MALRD1: variants seen among roughly 807,000 people sequenced by gnomAD.
The protein encoded by MALRD1 is MAM and LDL-receptor class A domain-containing protein 1.
In MALRD1, 247 loss-of-function variants were observed where a neutral mutation model predicts 242.1. The ratio of observed to expected loss-of-function variants is 1.02; its 90% CI spans 0.92 to 1.13. The LOEUF (loss-of-function observed/expected upper bound fraction) is 1.13, where lower values mean the gene tolerates loss of function less well. Among genes scored for constraint, MALRD1 ranks in the 50% most tolerant of loss-of-function variants. The pLI is 0.00. For missense variants in MALRD1, 2,989 were observed against 2,533.1 expected, an observed-to-expected ratio of 1.18 and a Z score of -3.86; for synonymous variants, 995 against 866.6, an observed-to-expected ratio of 1.15 and a Z score of -2.60.
intron 28 of MALRD1, among the ~76,000 whole-genome samples, chr10:19,399,027 C>G (rs1846710756): frequency 6.6e-6 from 1 of 152,186 alleles, no homozygotes; most frequent in Non-Finnish European, 1.5e-5. Flanking sequence ...TCAAGAGTGT[C>G]TCTTCAAATG....
chr10:19,445,605 G>A (rs143862621), intron 28 of MALRD1, among the ~76,000 whole-genome samples: 8,526 of 152,250 alleles, frequency 0.056, 767 homozygotes, highest in African/African-American at 0.19. Context: ...CACCAGTGGA[G>A]GCTGCAGAAC....
chr10:19,694,058 C>G (rs1482322950), intron 38 of MALRD1, among the ~76,000 whole-genome samples: 1 of 152,060 alleles, frequency 6.6e-6, no homozygotes. Flanking sequence ...TTCCTTACAC[C>G]TTATACAAAA....
At chr10:19,473,706 C>G (rs923923736) in intron 29 of MALRD1, among the ~76,000 whole-genome samples, 14 of 151,930 alleles carry the variant, frequency 9.2e-5, no homozygotes, top group African/African-American at 3.4e-4. Flanking sequence ...TATGCATATA[C>G]CACATTTTGT....
chr10:19,598,481 A>T (rs949087180), intron 34 of MALRD1: 2 of 151,976 alleles, frequency 1.3e-5, no homozygotes, highest in African/African-American at 4.8e-5. Context: ...ATTAAAAAAA[A>T]AAAAAAGAAG....
intron 38 of MALRD1, among the ~76,000 whole-genome samples, chr10:19,695,443 T>G (rs1833332081): frequency 6.6e-6 from 1 of 151,674 alleles, no homozygotes; most frequent in African/African-American, 2.4e-5. Flanking sequence ...TTTAATGGAC[T>G]CACAGTTTCA....
chr10:19,299,560 C>T (rs1841851616), intron 21 of MALRD1, among the ~76,000 whole-genome samples: 1 of 150,964 alleles, frequency 6.6e-6, no homozygotes, highest in Non-Finnish European at 1.5e-5. Flanking sequence ...GACTTATACA[C>T]AGTATACACA....
chr10:19,561,555 C>T (rs1835962790), intron 32 of MALRD1, among the ~76,000 whole-genome samples: 1 of 152,134 alleles, frequency 6.6e-6, no homozygotes, highest in Admixed American at 6.5e-5. Flanking sequence ...GTCTCTTGAA[C>T]ATTATATAAT....
intron 18 of MALRD1, among the ~76,000 whole-genome samples, chr10:19,237,639 TATA>T: frequency 1.5e-5 from 1 of 64,822 alleles, no homozygotes; most frequent in African/African-American, 6.2e-5. Flanking sequence ...TATAATTATA[TATA>T]AATTATTATA....
Position 19,088,050 on chromosome 10 carries a change from A to C in MALRD1, c.462A>C (p.Gln154His), listed in dbSNP as rs1051484132. 2 of 1,233,522 alleles carry C rather than the reference A, an allele frequency of 1.6e-6. No homozygotes were observed. The highest frequency in any genetic ancestry group is 1.5e-5 in the African/African-American group (1 of 64,562). 76.4% of individuals were successfully genotyped at this position (1,233,522 alleles called of 1,614,324 possible). A position where few individuals can be genotyped will look rare whatever the true frequency, so the allele number is the denominator to read the frequency against. The part of the protein sequence containing the change: ...CQITFYYFSC[Q>H]VSGKLMVGLQ... ...TTACATTTTATTACTTCTCCTGCCA[A>C]GTGAGTGGCAAATTAATGGTTGGGC... is the stretch of plus-strand genomic sequence containing the variant. The change falls in exon 4 of 40, where the codon CAA becomes CAC. Residue 154 changes from glutamine (Q) to histidine (H), a missense_variant. Transcript: ENST00000454679.
intron 14 of MALRD1, among the ~76,000 whole-genome samples, chr10:19,194,812 C>G (rs1299284537): frequency 6.6e-6 from 1 of 152,142 alleles, no homozygotes; most frequent in African/African-American, 2.4e-5. Flanking sequence ...CAGGCTTTTT[C>G]CCCTGTAATC....
intron 29 of MALRD1, among the ~76,000 whole-genome samples, chr10:19,464,466 T>C (rs1589120427): frequency 6.6e-6 from 1 of 152,074 alleles, no homozygotes; most frequent in African/African-American, 2.4e-5. Flanking sequence ...TTGAATAGGG[T>C]GTCCTTTCTC....
chr10:19,283,082 A>G lies in MALRD1; in HGVS notation c.3320A>G (p.His1107Arg). The G allele has an allele frequency of 6.5e-7, 1 of 1,550,190 alleles. No individual in the cohort carries two copies. Among genetic ancestry groups the G allele is most frequent in the Non-Finnish European group, 8.7e-7 (1 of 1,146,694 alleles). The change falls in exon 21 of 40, where the codon CAT (histidine) becomes CGT (arginine). Residue 1107 changes from histidine to arginine, a missense_variant. His to Arg is a conservative substitution (Grantham distance 29). Coordinates refer to ENST00000454679, the MANE Select transcript of MALRD1 (RefSeq NM_001142308.3). ...AAATGGTATCAACCAATCCCAGTAC[A>G]TTTGCTTCAAGATTCAAACACATTC... The part of the protein sequence containing the change: ...LCKWYQPIPV[H>R]LLQDSNTFRW...
At chr10:19,502,623 T>G (rs1838026726) in intron 31 of MALRD1, among the ~76,000 whole-genome samples, 1 of 152,200 alleles carries the variant, frequency 6.6e-6, no homozygotes, top group African/African-American at 2.4e-5. Flanking sequence ...TGGGATTTTT[T>G]GAGAAAATAT....
chr10:19,524,960 A>G (rs1199014771), intron 31 of MALRD1, among the ~76,000 whole-genome samples: 2 of 151,920 alleles, frequency 1.3e-5, no homozygotes, highest in Non-Finnish European at 1.5e-5. Context: ...CTGAAGTGCA[A>G]TGGCATAATC....
At chr10:19,433,701 G>GA (rs1302777514) in intron 28 of MALRD1, among the ~76,000 whole-genome samples, 7 of 151,062 alleles carry the variant, frequency 4.6e-5, no homozygotes, top group African/African-American at 9.7e-5. Context: ...TGAACATGGA[G>GA]AAAAAAAAAT....
intron 18 of MALRD1, among the ~76,000 whole-genome samples, chr10:19,227,054 T>C (rs964715435): frequency 1.2e-4 from 18 of 152,052 alleles, no homozygotes; most frequent in African/African-American, 3.6e-4. Context: ...ATATATGTAA[T>C]ACTTATTAGA....
chr10:19,106,445 G>A (rs375848822), intron 5 of MALRD1, among the ~76,000 whole-genome samples: 5 of 151,508 alleles, frequency 3.3e-5, no homozygotes, highest in African/African-American at 1.2e-4. Flanking sequence ...GTTCATAATG[G>A]TCTTTTATCC....
At chr10:19,671,652 T>C (rs1438651201) in intron 36 of MALRD1, among the ~76,000 whole-genome samples, 1 of 152,148 alleles carries the variant, frequency 6.6e-6, no homozygotes, top group African/African-American at 2.4e-5. Context: ...AATAAATATT[T>C]ATCGCTACAA....
chr10:19,175,506 T>C (rs1425375593), intron 14 of MALRD1, among the ~76,000 whole-genome samples, 178 bp downstream of exon 14: 1 of 141,120 alleles, frequency 7.1e-6, no homozygotes, highest in African/African-American at 2.5e-5. Context: ...ACATCTGGTC[T>C]AGTCCTTAGG....
Sources: gnomAD v4.1 joint callset for allele counts (sites outside exome capture counted in the v4.1 genomes callset) on GRCh38, gnomAD v4.1.1 for gene constraint, MANE v1.5 for transcripts, NCBI Gene and HGNC (gene_info 2026-07-23, HGNC 2026-07-21) for gene names.